Variants in FLNB observed in about 807,000 individuals in gnomAD.
FLNB encodes filamin-B.
A neutral mutation model predicts 250.6 loss-of-function variants in FLNB; 111 were observed. The ratio of observed to expected loss-of-function variants is 0.44; its 90% CI spans 0.38 to 0.52. The LOEUF is 0.52. Ranked by LOEUF, FLNB falls within the 20% of genes least tolerant of loss-of-function variation. FLNB has a pLI of 0.00. For missense variants in FLNB, 2,869 were observed against 3,447.8 expected (o/e 0.83, Z 4.20); for synonymous variants, 1,302 against 1,372.1 (o/e 0.95, Z 1.13).
chr3:58,116,449 T>C (rs1268792799), intron 18 of FLNB, among the ~76,000 whole-genome samples: 1 of 152,186 alleles, frequency 6.6e-6, no homozygotes, highest in Non-Finnish European at 1.5e-5. Context: ...AGGTCCTGCC[T>C]GAGTAACCCA....
In FLNB at chr3:58,124,501, G is replaced by A; in HGVS notation, c.3894G>A (p.Glu1298=). The A allele has an allele frequency of 6.2e-7, 1 of 1,614,208 alleles. No homozygotes were observed. Among genetic ancestry groups the A allele is most frequent in the Non-Finnish European group, 8.5e-7 (1 of 1,180,030 alleles). The change falls in exon 22 of 46, where the codon GAG becomes GAA. Residue 1298 remains glutamate, a synonymous_variant. Transcript: ENST00000295956. ...GTYQVEYTPF[E]KGLHVVEVTY... is the part of the protein sequence containing the mutation. Reference sequence around the variant, plus strand: ...ACCAGGTGGAATACACACCCTTTGAGAAAGGTGAGCCGCCCTGTCCTCGGA... The same window carrying A: ...ACCAGGTGGAATACACACCCTTTGAAAAAGGTGAGCCGCCCTGTCCTCGGA...
rs544540373 is a variant in FLNB, at chr3:58,110,263, G to C, written c.2484+93G>C. The C allele has an allele frequency of 3.1e-5, 41 of 1,317,578 alleles. No homozygotes were observed. In the South Asian group the frequency reaches 4.7e-4, roughly 15 times the overall value. The allele number at this position is 1,317,578 out of a possible 1,614,324, so 81.6% of individuals were successfully genotyped here. On this transcript the variant is annotated intron_variant, in intron 16 of 45. Transcript: ENST00000295956. The stretch of plus-strand genomic sequence containing the variant: ...TGTCTCATCTACTTTTTGGTGTTTT[G>C]TTAGTATTATTATTTTTGAGATGGA...
Position 58,123,703 on chromosome 3 carries a change from TAAAAAAAAAAAAAA to T in FLNB, c.3724+23_3724+36del, listed in dbSNP as rs56147140. 9.0e-7 allele frequency: 1 copy of T among 1,117,176 alleles called. No individual in the cohort carries two copies. Among genetic ancestry groups the T allele is most frequent in the East Asian group, 2.8e-5 (1 of 36,282 alleles). The allele number at this position is 1,117,176 out of a possible 1,614,324, so 69.2% of individuals were successfully genotyped here. A position where few individuals can be genotyped will look rare whatever the true frequency, so the allele number is the denominator to read the frequency against. On this transcript the variant is annotated intron_variant, in intron 21 of 45. Coordinates refer to ENST00000295956, the MANE Select transcript of FLNB (RefSeq NM_001457.4). ...ATAGAAGGGAAAGGTGGGTTTCATT[TAAAAAAAAAAAAAA>T]AAAAAAAAAGACAAGCTGGGACTTA...
chr3:58,159,709 G>A (rs768132886), intron 42 of FLNB, 23 bp downstream of exon 42: 2 of 1,610,214 alleles, frequency 1.2e-6, no homozygotes, highest in African/African-American at 2.7e-5. Flanking sequence ...CCTGCTGGGG[G>A]GTCCCAGCAC....
At chr3:58,077,956 A>T (rs1559677036) in intron 2 of FLNB, among the ~76,000 whole-genome samples, 4 of 152,046 alleles carry the variant, frequency 2.6e-5, no homozygotes, top group Admixed American at 6.5e-5. Context: ...CACCCCCTAA[A>T]GTTGATTTTA....
chr3:58,074,052 G>A (rs890205582), intron 1 of FLNB, among the ~76,000 whole-genome samples: 1 of 152,176 alleles, frequency 6.6e-6, no homozygotes, highest in Non-Finnish European at 1.5e-5. Context: ...TTTTCTGTTG[G>A]TTAGAATAAA....
chr3:58,081,274 T>C (rs1364767627), intron 3 of FLNB, among the ~76,000 whole-genome samples: 1 of 152,164 alleles, frequency 6.6e-6, no homozygotes, highest in Non-Finnish European at 1.5e-5. Context: ...TCTAATCCCA[T>C]GTGTGCTTGT....
chr3:58,122,530 C>T (rs1304116232), intron 20 of FLNB, among the ~76,000 whole-genome samples: 2 of 151,590 alleles, frequency 1.3e-5, no homozygotes, highest in Non-Finnish European at 2.9e-5. Flanking sequence ...GTCATTTCTT[C>T]ATAGTAACCC....
chr3:58,136,746 C>CTTTTTTTTTTTTTTTTTTT (rs57053256), intron 28 of FLNB, among the ~76,000 whole-genome samples: 3 of 79,814 alleles, frequency 3.8e-5, no homozygotes, highest in African/African-American at 5.5e-5. Flanking sequence ...ACAGGCCATT[C>CTTTTTTTTTTTTTTTTTTT]TTTTTTTTTT....
At chr3:58,076,489 C>G (rs1036883752) in intron 1 of FLNB, among the ~76,000 whole-genome samples, 4 of 152,188 alleles carry the variant, frequency 2.6e-5, no homozygotes, top group African/African-American at 9.7e-5. Context: ...GGGTCTCACT[C>G]TGTTGCCCAG....
At position 58,166,892 on chromosome 3, in the gene FLNB, A is replaced by G. The variant is rs542753940; in HGVS notation, c.7199-1548A>G. ...TGTAATCCTAGCACTTTGGGAGACC[A>G]AGGTGGGCAGATCACTTGAGGTCAG... On this transcript the variant is annotated intron_variant, in intron 43 of 45. Coordinates refer to ENST00000295956, the MANE Select transcript of FLNB (RefSeq NM_001457.4). Among the ~76,000 whole-genome samples the G allele has an allele frequency of 4.0e-5, 6 of 151,796 alleles. No homozygotes were observed. The South Asian group carries it at 1.2e-3, about 32-fold the overall frequency.
At chr3:58,141,995 C>A in intron 30 of FLNB, 66 bp downstream of exon 30, 2 of 1,384,928 alleles carry the variant, frequency 1.4e-6, no homozygotes, top group Non-Finnish European at 2.1e-6. Flanking sequence ...AGAAAATCTG[C>A]CATCTGCTTC....
chr3:58,124,927 G>A (rs963637719), intron 22 of FLNB, among the ~76,000 whole-genome samples: 1 of 152,092 alleles, frequency 6.6e-6, no homozygotes, highest in African/African-American at 2.4e-5. Flanking sequence ...GATATTTTCA[G>A]TCTTCTTGTG....
chr3:58,104,665 C>T (rs1184178661), intron 10 of FLNB, among the ~76,000 whole-genome samples: 3 of 152,106 alleles, frequency 2.0e-5, no homozygotes, highest in Non-Finnish European at 4.4e-5. Context: ...TTAAGCCTCC[C>T]ATGCCAAGGT....
intron 6 of FLNB, among the ~76,000 whole-genome samples, chr3:58,096,811 C>A (rs1165943950): frequency 6.6e-6 from 1 of 152,188 alleles, no homozygotes; most frequent in African/African-American, 2.4e-5. Context: ...ACCCTGCTGG[C>A]TCTTTGTCCT....
At chr3:58,090,575 G>A (rs139571351) in intron 4 of FLNB, among the ~76,000 whole-genome samples, 10 of 152,240 alleles carry the variant, frequency 6.6e-5, no homozygotes, top group Admixed American at 2.0e-4. Flanking sequence ...TTACTGTGAC[G>A]TCAGTAGGCA....
rs532938159 is a variant in FLNB, at chr3:58,029,568, G to A, written c.292+20712G>A. On this transcript the variant is annotated intron_variant, in intron 1 of 45. Coordinates refer to ENST00000295956, the MANE Select transcript of FLNB (RefSeq NM_001457.4). ...CGCCCAGGCTGGAGTGCAATGGCTC[G>A]ATCTCGGCTCACTGCAGTCTTCACC... 2.2e-4 allele frequency among the ~76,000 whole-genome samples: 33 copies of A among 150,658 alleles called. No individual in the cohort carries two copies. In the South Asian group the frequency reaches 6.1e-3, roughly 28 times the overall value.
At position 58,163,203 on chromosome 3, in the gene FLNB, C is replaced by T. The variant is rs777030359; in HGVS notation, c.7071C>T (p.Ile2357=). 12 of 1,613,944 alleles carry T rather than the reference C, an allele frequency of 7.4e-6. No homozygotes were observed. The highest frequency in any genetic ancestry group is 2.2e-5 in the South Asian group (2 of 91,084). ...CTCATGAGAATGGTGTCCACACCATCGATGTCAAGTTCAATGGGAGCCACG... is the reference window on the plus strand; with the variant it reads ...CTCATGAGAATGGTGTCCACACCATTGATGTCAAGTTCAATGGGAGCCACG... The part of the protein sequence containing the change: ...FIPHENGVHT[I]DVKFNGSHVV... The change falls in exon 43 of 46, where the codon ATC becomes ATT. Residue 2357 remains isoleucine (I), a synonymous_variant. Transcript: ENST00000295956.
In FLNB at chr3:58,008,484, G is replaced by C. The variant is rs886058757; in HGVS notation, c.-81G>C. 108 of 1,492,424 alleles carry C rather than the reference G, an allele frequency of 7.2e-5. No individual in the cohort carries two copies. Among genetic ancestry groups the C allele is most frequent in the Non-Finnish European group, 9.1e-5 (100 of 1,095,810 alleles). 92.4% of individuals were successfully genotyped at this position (1,492,424 alleles called of 1,614,324 possible). A position where few individuals can be genotyped will look rare whatever the true frequency, so the allele number is the denominator to read the frequency against. ...CGAACCCCGCTCCCGCTCCGCTTCG[G>C]TTCTCGCTCCTTCGGCCCTTGGGCC... On this transcript the variant is annotated 5_prime_UTR_variant, in exon 1 of 46. Transcript: ENST00000295956.
Sources: gnomAD v4.1 joint callset for allele counts (sites outside exome capture counted in the v4.1 genomes callset) on GRCh38, gnomAD v4.1.1 for gene constraint, MANE v1.5 for transcripts, NCBI Gene and HGNC (gene_info 2026-07-23, HGNC 2026-07-21) for gene names.